The following TENM3 variants were observed in gnomAD, a reference collection of about 807,000 sequenced individuals.
The protein encoded by TENM3 is teneurin-3.
In TENM3, 63 loss-of-function variants were observed where a neutral mutation model predicts 255.1. The ratio of observed to expected loss-of-function variants is 0.25; its 90% CI spans 0.20 to 0.30. The LOEUF (loss-of-function observed/expected upper bound fraction) is 0.30, where lower values mean the gene tolerates loss of function less well. TENM3 is among the 10% of genes least tolerant of loss of function. TENM3 has a pLI of 1.00. For missense variants in TENM3, 2,929 were observed against 3,461.1 expected (o/e 0.85, Z 3.86); for synonymous variants, 1,306 against 1,322.3 (o/e 0.99, Z 0.27).
At chr4:181,465,040 G>A in the TENM3 span, among the ~76,000 whole-genome samples, 1 of 152,114 alleles carries the variant, frequency 6.6e-6, no homozygotes, top group South Asian at 2.1e-4. Context: ...CTAACCCGAG[G>A]TGAAGCATAT....
chr4:182,701,210 C>CTTTTTTTTTTTTTTTTTTTTTTTTT lies in TENM3; in HGVS notation c.2221+12863_2222-12849dup, dbSNP rs35538818. Among the ~76,000 whole-genome samples, 22 of 38,668 alleles carry CTTTTTTTTTTTTTTTTTTTTTTTTT rather than the reference C, an allele frequency of 5.7e-4. 9 individuals are homozygous for CTTTTTTTTTTTTTTTTTTTTTTTTT. The highest frequency in any genetic ancestry group is 1.1e-3 in the African/African-American group (9 of 8,368). The allele number at this position is 38,668 out of a possible 152,430, so 25.4% of individuals were successfully genotyped here. On this transcript the variant is annotated intron_variant, in intron 12 of 27. Transcript: ENST00000511685. ...TTTTCACATACAGTCCAACTCTTGA[C>CTTTTTTTTTTTTTTTTTTTTTTTTT]TTTTTTTTTTTTTTTTTTTTTTTTT...
intron 22 of TENM3, among the ~76,000 whole-genome samples, chr4:182,763,881 T>TATC (rs1222474553): frequency 6.6e-6 from 1 of 152,248 alleles, no homozygotes; most frequent in Non-Finnish European, 1.5e-5. Context: ...CCCAGGAATT[T>TATC]ATCTTTATGT....
At chr4:182,386,481 C>A (rs1767924112) in intron 3 of TENM3, among the ~76,000 whole-genome samples, 1 of 152,244 alleles carries the variant, frequency 6.6e-6, no homozygotes, top group Non-Finnish European at 1.5e-5. Context: ...GCCCTTCGGC[C>A]TGCCACTGCA....
At chr4:182,213,959 G>A (rs1037176284) in intron 1 of TENM3, among the ~76,000 whole-genome samples, 11 of 151,840 alleles carry the variant, frequency 7.2e-5, no homozygotes, top group East Asian at 1.9e-4. Flanking sequence ...CCGCCACCAC[G>A]CCTGGCTAAT....
intron 3 of TENM3, among the ~76,000 whole-genome samples, chr4:182,507,819 T>A (rs1011644377): frequency 6.6e-6 from 1 of 152,232 alleles, no homozygotes; most frequent in Non-Finnish European, 1.5e-5. Flanking sequence ...AGAGACGAAA[T>A]AGATCTTAGA....
chr4:182,761,217 A>C (rs545435840), intron 22 of TENM3, among the ~76,000 whole-genome samples: 6 of 152,170 alleles, frequency 3.9e-5, no homozygotes, highest in African/African-American at 1.4e-4. Context: ...TCAGGAGTTC[A>C]AGACCAGCCT....
intron 3 of TENM3, among the ~76,000 whole-genome samples, chr4:182,394,087 G>A (rs561242158): frequency 3.6e-4 from 55 of 151,806 alleles, no homozygotes; most frequent in African/African-American, 1.3e-3. Flanking sequence ...ATCACCGTTG[G>A]GCTATTTCAA....
the TENM3 span, among the ~76,000 whole-genome samples, chr4:182,099,086 C>A: frequency 6.6e-6 from 1 of 150,670 alleles, no homozygotes; most frequent in Admixed American, 6.6e-5. Flanking sequence ...CTCAACCTCC[C>A]GAGTAGCTAG....
chr4:182,185,329 C>T (rs531204345), intron 1 of TENM3, among the ~76,000 whole-genome samples: 3 of 152,120 alleles, frequency 2.0e-5, no homozygotes, highest in Admixed American at 2.0e-4. Flanking sequence ...ATAAATAGAG[C>T]GTTCTTTTCA....
At chr4:181,468,659 T>G in the TENM3 span, among the ~76,000 whole-genome samples, 1 of 152,232 alleles carries the variant, frequency 6.6e-6, no homozygotes, top group African/African-American at 2.4e-5. Context: ...GCCCAGGATC[T>G]ATAGCAGACA....
rs753075655 is a variant in TENM3 at position 182,731,164 on chromosome 4, T to A, written c.2967+25T>A. ...GGTAAAATATTCTCACAGGCAGTACTTGTAAATACAAGATCTTCAGATCAT... is the reference window on the plus strand; with the variant it reads ...GGTAAAATATTCTCACAGGCAGTACATGTAAATACAAGATCTTCAGATCAT... On this transcript the variant is annotated intron_variant, in intron 16 of 27. Transcript: ENST00000511685. The A allele has an allele frequency of 3.1e-6, 5 of 1,605,030 alleles. No homozygotes were observed. In the South Asian group the frequency reaches 5.5e-5, roughly 18 times the overall value.
intron 1 of TENM3, among the ~76,000 whole-genome samples, chr4:182,228,474 G>T (rs925582137): frequency 1.4e-5 from 2 of 147,022 alleles, no homozygotes; most frequent in Admixed American, 1.4e-4. Flanking sequence ...ATTAAAAATA[G>T]GTATTTTCCC....
intron 3 of TENM3, among the ~76,000 whole-genome samples, chr4:182,518,330 A>G (rs551394897): frequency 6.6e-6 from 1 of 152,238 alleles, no homozygotes; most frequent in South Asian, 2.1e-4. Context: ...ATCTGTGAAT[A>G]TGATGGAATA....
At chr4:182,567,051 A>G (rs1223089651) in intron 3 of TENM3, among the ~76,000 whole-genome samples, 1 of 152,186 alleles carries the variant, frequency 6.6e-6, no homozygotes, top group Non-Finnish European at 1.5e-5. Flanking sequence ...TGGGAAATGG[A>G]AAAAAAGAAA....
chr4:181,799,552 G>T, the TENM3 span, among the ~76,000 whole-genome samples: 244 of 152,270 alleles, frequency 1.6e-3, 1 homozygote, highest in African/African-American at 5.5e-3. Context: ...TACAATTACT[G>T]TTATAAACTT....
intron 1 of TENM3, among the ~76,000 whole-genome samples, chr4:182,230,648 G>T (rs957412383): frequency 6.6e-6 from 1 of 151,542 alleles, no homozygotes; most frequent in Non-Finnish European, 1.5e-5. Context: ...CCCTTCCTAC[G>T]CAAAGCAGGG....
At chr4:181,722,859 T>C in the TENM3 span, among the ~76,000 whole-genome samples, 1 of 152,110 alleles carries the variant, frequency 6.6e-6, no homozygotes, top group Non-Finnish European at 1.5e-5. Flanking sequence ...GGGAAGTCAC[T>C]GGGAAAAGCC....
intron 3 of TENM3, among the ~76,000 whole-genome samples, chr4:182,553,354 G>A (rs1742253078): frequency 6.9e-6 from 1 of 143,980 alleles, no homozygotes; most frequent in Non-Finnish European, 1.5e-5. Flanking sequence ...CACAGGAAGG[G>A]GGACATCACA....
At chr4:182,757,311 C>CA (rs10571604) in intron 22 of TENM3, among the ~76,000 whole-genome samples, 2,900 of 53,548 alleles carry the variant, frequency 0.054, 369 homozygotes, top group Admixed American at 0.099. Flanking sequence ...GACTCCGTCT[C>CA]AAAAAAAAAA....
Sources: gnomAD v4.1 joint callset for allele counts (sites outside exome capture counted in the v4.1 genomes callset) on GRCh38, gnomAD v4.1.1 for gene constraint, MANE v1.5 for transcripts, NCBI Gene and HGNC (gene_info 2026-07-23, HGNC 2026-07-21) for gene names.